The following RAB2A variants were observed in gnomAD, a reference collection of about 807,000 sequenced individuals.
RAB2A encodes ras-related protein Rab-2A.
RAB2A carries 7 observed loss-of-function variants against 32.5 expected under a neutral mutation model. The ratio of observed to expected loss-of-function variants is 0.22; its 90% CI spans 0.12 to 0.40. The LOEUF (loss-of-function observed/expected upper bound fraction) is 0.40, where lower values mean the gene tolerates loss of function less well. RAB2A is among the 10% of genes least tolerant of loss of function. The pLI is 1.00. For missense variants in RAB2A, 108 were observed against 260.7 expected (o/e 0.41, Z 4.03); for synonymous variants, 79 against 85.2 (o/e 0.93, Z 0.40).
At chr8:60,534,131 G>A (rs1807522721) in intron 1 of RAB2A, among the ~76,000 whole-genome samples, 1 of 152,176 alleles carries the variant, frequency 6.6e-6, no homozygotes, top group Non-Finnish European at 1.5e-5. Context: ...AGTTCTAAAG[G>A]TGTGTGGACA....
At chr8:60,529,034 CTGAAGTT>C (rs1807435734) in intron 1 of RAB2A, among the ~76,000 whole-genome samples, 1 of 152,108 alleles carries the variant, frequency 6.6e-6, no homozygotes, top group Non-Finnish European at 1.5e-5. Context: ...ATTGGCTACT[CTGAAGTT>C]TTTGTTTTCT....
chr8:60,557,351 A>G (rs145674696), intron 1 of RAB2A, among the ~76,000 whole-genome samples: 19 of 152,222 alleles, frequency 1.2e-4, no homozygotes, highest in Admixed American at 2.6e-4. Flanking sequence ...CCCTGTCTCT[A>G]CTAAAGATAC....
intron 2 of RAB2A, among the ~76,000 whole-genome samples, chr8:60,563,455 T>G (rs1324113244): frequency 6.6e-6 from 1 of 152,220 alleles, no homozygotes. Flanking sequence ...GTGATTCATA[T>G]GGGCACTGAA....
chr8:60,542,715 G>T (rs1379894444), intron 1 of RAB2A, among the ~76,000 whole-genome samples: 3 of 152,162 alleles, frequency 2.0e-5, no homozygotes, highest in Non-Finnish European at 2.9e-5. Flanking sequence ...GTAGATGATT[G>T]CATCAAGGGA....
chr8:60,539,158 T>C (rs1236584255), intron 1 of RAB2A, among the ~76,000 whole-genome samples: 2 of 152,242 alleles, frequency 1.3e-5, no homozygotes, highest in Non-Finnish European at 2.9e-5. Context: ...GCCAGTCCAC[T>C]GTGCAAGGTC....
intron 3 of RAB2A, among the ~76,000 whole-genome samples, chr8:60,583,742 T>A (rs1299313202): frequency 6.6e-6 from 1 of 152,212 alleles, no homozygotes; most frequent in East Asian, 1.9e-4. Context: ...AAGATGTCAT[T>A]CATCATTTAT....
chr8:60,554,286 GA>G (rs1447612540), intron 1 of RAB2A, among the ~76,000 whole-genome samples: 2 of 152,194 alleles, frequency 1.3e-5, no homozygotes, highest in African/African-American at 4.8e-5. Flanking sequence ...TGGAATTTAT[GA>G]AGACTTGCAG....
At chr8:60,588,385 A>G (rs537438151) in intron 5 of RAB2A, among the ~76,000 whole-genome samples, 54 of 152,332 alleles carry the variant, frequency 3.5e-4, no homozygotes, top group African/African-American at 1.2e-3. Flanking sequence ...ATTATGTACA[A>G]ATATTCATAC....
chr8:60,521,194 C>T (rs942164169), intron 1 of RAB2A, among the ~76,000 whole-genome samples: 1 of 152,124 alleles, frequency 6.6e-6, no homozygotes, highest in African/African-American at 2.4e-5. Flanking sequence ...CATTGAGTGT[C>T]AGATTTATTT....
intron 2 of RAB2A, among the ~76,000 whole-genome samples, chr8:60,567,922 A>G (rs905855009): frequency 6.6e-6 from 1 of 152,172 alleles, no homozygotes; most frequent in Non-Finnish European, 1.5e-5. Context: ...TGAAAATATT[A>G]TAATATTTTT....
chr8:60,601,371 G>A (rs538804643), intron 6 of RAB2A, among the ~76,000 whole-genome samples: 5 of 150,848 alleles, frequency 3.3e-5, no homozygotes, highest in East Asian at 2.0e-4. Context: ...ATGGAGTGTC[G>A]CTCTCACCCA....
At chr8:60,541,944 AG>A (rs879432794) in intron 1 of RAB2A, among the ~76,000 whole-genome samples, 12 of 152,208 alleles carry the variant, frequency 7.9e-5, no homozygotes, top group Non-Finnish European at 1.8e-4. Flanking sequence ...CCCTGAAACC[AG>A]ACAGTTAAAT....
At chr8:60,609,932 C>G (rs914794953) in intron 6 of RAB2A, among the ~76,000 whole-genome samples, 1 of 141,986 alleles carries the variant, frequency 7.0e-6, no homozygotes, top group Admixed American at 7.5e-5. Context: ...GCACTCCAGC[C>G]GGGGCAACAA....
At chr8:60,529,768 A>G (rs1401888491) in intron 1 of RAB2A, among the ~76,000 whole-genome samples, 5 of 152,020 alleles carry the variant, frequency 3.3e-5, no homozygotes, top group Non-Finnish European at 7.4e-5. Context: ...CCATTCTTTC[A>G]CTTATGGACA....
chr8:60,536,606 A>G (rs1443568717), intron 1 of RAB2A, among the ~76,000 whole-genome samples: 1 of 152,188 alleles, frequency 6.6e-6, no homozygotes, highest in African/African-American at 2.4e-5. Flanking sequence ...ACCTACTTGG[A>G]ACACTATTAT....
intron 2 of RAB2A, among the ~76,000 whole-genome samples, chr8:60,569,310 T>C (rs545906787): frequency 6.6e-6 from 1 of 152,312 alleles, no homozygotes; most frequent in African/African-American, 2.4e-5. Flanking sequence ...TTTGTTTGTT[T>C]GTTTGTTTTT....
intron 6 of RAB2A, 199 bp downstream of exon 6, chr8:60,592,168 G>C: frequency 8.2e-6 from 3 of 364,790 alleles, no homozygotes; most frequent in Non-Finnish European, 1.5e-5. Flanking sequence ...TCTAAAGCCT[G>C]AATGTTTTCT....
At chr8:60,577,382 T>A (rs1563475575) in intron 3 of RAB2A, among the ~76,000 whole-genome samples, 2 of 152,144 alleles carry the variant, frequency 1.3e-5, no homozygotes, top group South Asian at 2.1e-4. Flanking sequence ...CCTCAAATTT[T>A]TTAAAGCATT....
At chr8:60,530,524 A>G (rs1008720645) in intron 1 of RAB2A, among the ~76,000 whole-genome samples, 6 of 152,114 alleles carry the variant, frequency 3.9e-5, no homozygotes, top group Non-Finnish European at 5.9e-5. Flanking sequence ...TCCTGGGCTC[A>G]GGTGATCCTC....
Sources: allele counts gnomAD v4.1 joint callset (sites outside exome capture counted in the v4.1 genomes callset), GRCh38; gene constraint gnomAD v4.1.1; transcripts MANE v1.5; gene names NCBI Gene and HGNC (gene_info 2026-07-23, HGNC 2026-07-21).